RIMKLB: variants seen among roughly 807,000 people sequenced by gnomAD.
The protein encoded by RIMKLB is ribosomal modification protein rimK like family member B, also known as beta-citrylglutamate synthase B.
A neutral mutation model predicts 32.0 loss-of-function variants in RIMKLB; 7 were observed. That is an observed-to-expected ratio of 0.22 (90% CI 0.12 to 0.41). The LOEUF is 0.41. Among genes scored for constraint, RIMKLB ranks in the 10% least tolerant of loss-of-function variants. The pLI, the probability that RIMKLB is intolerant of heterozygous loss-of-function variation, is 1.00. For synonymous variants in RIMKLB, 172 were observed against 185.1 expected, an observed-to-expected ratio of 0.93 and a Z score of 0.57; for missense variants, 289 against 498.7, an observed-to-expected ratio of 0.58 and a Z score of 4.00.
chr12:8,732,037 C>G (rs1383688568), intron 2 of RIMKLB, among the ~76,000 whole-genome samples: 1 of 151,912 alleles, frequency 6.6e-6, no homozygotes, highest in Admixed American at 6.6e-5. Context: ...TTGTTTCTTG[C>G]TGAATAGTAA....
intron 1 of RIMKLB, chr12:8,700,456 A>T (rs1943288843): frequency 6.6e-6 from 1 of 152,392 alleles, no homozygotes; most frequent in Non-Finnish European, 1.5e-5. Context: ...GACAGAGCAG[A>T]GCCAGTTGTT....
chr12:8,775,804 A>G lies in RIMKLB; in HGVS notation c.*2020A>G, dbSNP rs989142210. 1.0e-6 allele frequency: 1 copy of G among 985,172 alleles called. No individual in the cohort carries two copies. The highest frequency in any genetic ancestry group is 1.7e-5 in the African/African-American group (1 of 57,246). The allele number at this position is 985,172 out of a possible 1,614,324, so 61.0% of individuals were successfully genotyped here. On this transcript the variant is annotated 3_prime_UTR_variant, in exon 6 of 6. Transcript: ENST00000535829. The stretch of plus-strand genomic sequence containing the variant: ...CATTTCACCTCAGAGAAAAGGATAC[A>G]TAAGAGGAGTTTGTAATTTATCTTA...
At chr12:8,739,280 A>G (rs772456261) in intron 2 of RIMKLB, among the ~76,000 whole-genome samples, 5 of 152,152 alleles carry the variant, frequency 3.3e-5, no homozygotes, top group African/African-American at 4.8e-5. Flanking sequence ...GTGTCCTTAC[A>G]TGGAGAAGAG....
chr12:8,782,085 G>A (rs1302805676), downstream of RIMKLB, among the ~76,000 whole-genome samples: 2 of 151,352 alleles, frequency 1.3e-5, no homozygotes, highest in Non-Finnish European at 2.9e-5. Flanking sequence ...TGACAGAACA[G>A]TAATTTTGAT....
intron 5 of RIMKLB, among the ~76,000 whole-genome samples, chr12:8,759,081 T>C (rs1438160873): frequency 6.6e-6 from 1 of 152,124 alleles, no homozygotes; most frequent in Non-Finnish European, 1.5e-5. Context: ...AAGGTTGGAA[T>C]TGATGGAACA....
intron 2 of RIMKLB, among the ~76,000 whole-genome samples, chr12:8,721,587 A>G (rs1469134194): frequency 1.3e-5 from 2 of 152,086 alleles, no homozygotes; most frequent in African/African-American, 2.4e-5. Flanking sequence ...TACACTCTCA[A>G]TTATAGCTCT....
chr12:8,685,443 T>C (rs1441411536), intron 1 of RIMKLB, among the ~76,000 whole-genome samples: 1 of 152,234 alleles, frequency 6.6e-6, no homozygotes, highest in African/African-American at 2.4e-5. Flanking sequence ...CATCTATTGG[T>C]ATGATCATGT....
At chr12:8,684,854 C>G (rs1942524179) in intron 1 of RIMKLB, among the ~76,000 whole-genome samples, 1 of 152,320 alleles carries the variant, frequency 6.6e-6, no homozygotes, top group African/African-American at 2.4e-5. Context: ...AACTCCTGAG[C>G]TCAGGCAGTC....
chr12:8,691,628 A>T (rs753291367), intron 1 of RIMKLB, among the ~76,000 whole-genome samples: 1 of 152,228 alleles, frequency 6.6e-6, no homozygotes, highest in Non-Finnish European at 1.5e-5. Context: ...ACAAACAAAA[A>T]AGAAAAGAAT....
At chr12:8,680,869 A>T (rs1200597079), upstream of RIMKLB, among the ~76,000 whole-genome samples, 1 of 152,224 alleles carries the variant, frequency 6.6e-6, no homozygotes, top group Non-Finnish European at 1.5e-5. Context: ...AAGGTCTTCT[A>T]AAAAGTTTTG....
chr12:8,738,629 T>G (rs969081388), intron 2 of RIMKLB, among the ~76,000 whole-genome samples: 4 of 152,122 alleles, frequency 2.6e-5, no homozygotes, highest in African/African-American at 9.7e-5. Flanking sequence ...CACAACACGA[T>G]TGCAAAAATG....
chr12:8,747,647 TAGTA>T (rs1447258315), intron 2 of RIMKLB, among the ~76,000 whole-genome samples: 1 of 152,200 alleles, frequency 6.6e-6, no homozygotes, highest in African/African-American at 2.4e-5. Flanking sequence ...TATCAATTAT[TAGTA>T]AGGAATTGAT....
At chr12:8,709,849 T>C (rs1226281942) in intron 1 of RIMKLB, among the ~76,000 whole-genome samples, 3 of 152,234 alleles carry the variant, frequency 2.0e-5, no homozygotes, top group Non-Finnish European at 4.4e-5. Flanking sequence ...TTATCATAGA[T>C]ATGTATGTTT....
At chr12:8,768,208 G>C (rs1950129696) in intron 5 of RIMKLB, among the ~76,000 whole-genome samples, 1 of 152,214 alleles carries the variant, frequency 6.6e-6, no homozygotes, top group Non-Finnish European at 1.5e-5. Flanking sequence ...AGTTGTGCAG[G>C]AACAATGGCA....
rs755374419 is a variant in RIMKLB, at chr12:8,725,936, C to T, written c.175+11895C>T. 2.6e-5 allele frequency among the ~76,000 whole-genome samples: 4 copies of T among 152,358 alleles called. No individual in the cohort carries two copies. The South Asian group carries it at 8.3e-4, about 32-fold the overall frequency. ...GATCTTGGTTCACTGCAACCTCCGC[C>T]TTCCAGGTTCAAGCGATTCTCCTGT... On this transcript the variant is annotated intron_variant, in intron 2 of 5. Transcript: ENST00000535829.
intron 2 of RIMKLB, among the ~76,000 whole-genome samples, chr12:8,714,735 A>G (rs1386915269): frequency 2.6e-5 from 4 of 152,154 alleles, no homozygotes; most frequent in Non-Finnish European, 5.9e-5. Context: ...TTTGCTTTTG[A>G]AAGTTTTATG....
chr12:8,716,859 CTCTT>C (rs1944906306), intron 2 of RIMKLB, among the ~76,000 whole-genome samples: 1 of 150,252 alleles, frequency 6.7e-6, no homozygotes, highest in Non-Finnish European at 1.5e-5. Flanking sequence ...ACCTCAGTAG[CTCTT>C]TCTTTTTCAA....
chr12:8,781,990 TTCTTA>T (rs1312285850), downstream of RIMKLB, among the ~76,000 whole-genome samples: 40 of 152,036 alleles, frequency 2.6e-4, no homozygotes, highest in East Asian at 1.2e-3. Flanking sequence ...AGGCATATGG[TTCTTA>T]TCTTATTTCA....
At chr12:8,669,388 A>G in the RIMKLB span, among the ~76,000 whole-genome samples, 1 of 152,188 alleles carries the variant, frequency 6.6e-6, no homozygotes, top group Non-Finnish European at 1.5e-5. Context: ...TCAAGTTTCA[A>G]CATGAGATTT....
Sources: allele counts gnomAD v4.1 joint callset (sites outside exome capture counted in the v4.1 genomes callset), GRCh38; gene constraint gnomAD v4.1.1; transcripts MANE v1.5; gene names NCBI Gene and HGNC (gene_info 2026-07-23, HGNC 2026-07-21).